LPP: variants seen among roughly 807,000 people sequenced by gnomAD.
The protein encoded by LPP is lipoma-preferred partner.
Under a neutral mutation model 60.4 loss-of-function variants are expected in LPP, and 38 were observed. The ratio of observed to expected loss-of-function variants is 0.63; its 90% CI spans 0.49 to 0.83. The LOEUF (loss-of-function observed/expected upper bound fraction) is 0.83. LPP is among the 40% of genes least tolerant of loss of function. The pLI, the probability that LPP is intolerant of heterozygous loss-of-function variation, is 0.00. For missense variants in LPP, 902 were observed against 783.6 expected (o/e 1.15, Z -1.80); for synonymous variants, 328 against 290.8 (o/e 1.13, Z -1.30).
intron 1 of LPP, among the ~76,000 whole-genome samples, chr3:188,201,070 C>T (rs1730955595): frequency 6.6e-6 from 1 of 152,150 alleles, no homozygotes; most frequent in African/African-American, 2.4e-5. Context: ...GTTTAATCTC[C>T]TCCTGGGAGT....
chr3:188,741,937 T>G (rs1724584031), intron 8 of LPP, among the ~76,000 whole-genome samples: 1 of 151,930 alleles, frequency 6.6e-6, no homozygotes, highest in East Asian at 1.9e-4. Context: ...TTATTAAAAC[T>G]CAAGAAGAAG....
chr3:188,602,795 T>G (rs1270673639), intron 6 of LPP, among the ~76,000 whole-genome samples: 1 of 151,010 alleles, frequency 6.6e-6, no homozygotes, highest in African/African-American at 2.4e-5. Flanking sequence ...GAAGAGTCAG[T>G]CTAGAGAAGT....
intron 5 of LPP, among the ~76,000 whole-genome samples, chr3:188,492,524 C>T (rs1486150876): frequency 6.6e-6 from 1 of 151,934 alleles, no homozygotes; most frequent in Admixed American, 6.6e-5. Context: ...GATGAAACCC[C>T]ATTGTTACTA....
chr3:188,855,467 CAG>C (rs1763622685), intron 9 of LPP, among the ~76,000 whole-genome samples: 1 of 152,182 alleles, frequency 6.6e-6, no homozygotes, highest in Non-Finnish European at 1.5e-5. Context: ...GATAAAGAGA[CAG>C]AGTCTGGCTC....
intron 7 of LPP, among the ~76,000 whole-genome samples, chr3:188,623,507 C>T (rs1846209152): frequency 6.6e-6 from 1 of 152,182 alleles, no homozygotes; most frequent in African/African-American, 2.4e-5. Flanking sequence ...GCCCACCCGC[C>T]TTGGCCCCCC....
intron 4 of LPP, among the ~76,000 whole-genome samples, chr3:188,483,106 G>A (rs1441695697): frequency 1.3e-5 from 2 of 152,170 alleles, no homozygotes; most frequent in Admixed American, 6.5e-5. Flanking sequence ...GCCTGGCATG[G>A]TGCGAGTCTA....
chr3:188,625,663 T>C (rs1846702646), intron 7 of LPP, among the ~76,000 whole-genome samples: 1 of 152,174 alleles, frequency 6.6e-6, no homozygotes, highest in African/African-American at 2.4e-5. Flanking sequence ...TTTCTGCCTA[T>C]AGAATGCCCA....
At chr3:188,192,195 G>A (rs781435659) in intron 1 of LPP, among the ~76,000 whole-genome samples, 3 of 152,326 alleles carry the variant, frequency 2.0e-5, no homozygotes, top group East Asian at 1.9e-4. Context: ...AGGAGGTAGC[G>A]ATTAGAAAGG....
chr3:188,758,176 G>A (rs558327583), intron 8 of LPP, among the ~76,000 whole-genome samples: 1 of 151,860 alleles, frequency 6.6e-6, no homozygotes, highest in African/African-American at 2.4e-5. Flanking sequence ...TTTCTTTTTG[G>A]TTTGAGATGA....
chr3:188,184,122 G>A (rs2148932188), intron 1 of LPP, among the ~76,000 whole-genome samples: 2 of 152,276 alleles, frequency 1.3e-5, no homozygotes, highest in South Asian at 4.1e-4. Flanking sequence ...ATTCATCGGG[G>A]CTTCCAAGAT....
intron 2 of LPP, among the ~76,000 whole-genome samples, chr3:188,311,747 T>A (rs186911856): frequency 6.6e-6 from 1 of 152,212 alleles, no homozygotes; most frequent in Admixed American, 6.5e-5. Context: ...CAAGCGATTC[T>A]CCTGCCTCAG....
intron 2 of LPP, among the ~76,000 whole-genome samples, chr3:188,301,614 A>G (rs1287394095): frequency 6.6e-6 from 1 of 152,110 alleles, no homozygotes; most frequent in Admixed American, 6.6e-5. Flanking sequence ...AGGAAAAGTC[A>G]AAGATATACA....
chr3:188,698,903 T>A (rs1050285685), intron 7 of LPP, among the ~76,000 whole-genome samples: 1 of 152,212 alleles, frequency 6.6e-6, no homozygotes, highest in Non-Finnish European at 1.5e-5. Context: ...CAACAATTAA[T>A]GTGAAATTCG....
At chr3:188,453,483 T>A (rs1797058155) in intron 4 of LPP, among the ~76,000 whole-genome samples, 1 of 151,990 alleles carries the variant, frequency 6.6e-6, no homozygotes, top group African/African-American at 2.4e-5. Context: ...TAAGTCCCAA[T>A]CCGGCCAGGA....
At chr3:188,282,852 C>T (rs1742586720) in intron 2 of LPP, among the ~76,000 whole-genome samples, 1 of 152,196 alleles carries the variant, frequency 6.6e-6, no homozygotes, top group African/African-American at 2.4e-5. Flanking sequence ...TCATACACCA[C>T]CTTGTATTCA....
intron 2 of LPP, among the ~76,000 whole-genome samples, chr3:188,244,201 C>T (rs1266960619): frequency 1.8e-4 from 27 of 152,222 alleles, no homozygotes; most frequent in Admixed American, 1.6e-3. Flanking sequence ...CTGAGAATGG[C>T]TTTTAATTTG....
intron 1 of LPP, among the ~76,000 whole-genome samples, chr3:188,160,174 T>A (rs1195004676): frequency 6.6e-6 from 1 of 151,504 alleles, no homozygotes; most frequent in Non-Finnish European, 1.5e-5. Context: ...TCTCCCAAAG[T>A]GCTGGGATTA....
chr3:188,400,214 T>C (rs1250351826), intron 3 of LPP, among the ~76,000 whole-genome samples: 1 of 152,238 alleles, frequency 6.6e-6, no homozygotes, highest in Non-Finnish European at 1.5e-5. Flanking sequence ...TGTTAAGTGC[T>C]GATTTCCTTT....
intron 6 of LPP, among the ~76,000 whole-genome samples, chr3:188,608,458 C>G (rs1842942447): frequency 6.6e-6 from 1 of 152,058 alleles, no homozygotes; most frequent in South Asian, 2.1e-4. Context: ...ATTCTTTGCC[C>G]CCTCATCAAA....
Sources: gnomAD v4.1 joint callset for allele counts (sites outside exome capture counted in the v4.1 genomes callset) on GRCh38, gnomAD v4.1.1 for gene constraint, MANE v1.5 for transcripts, NCBI Gene and HGNC (gene_info 2026-07-23, HGNC 2026-07-21) for gene names.